Variants in ABCC11 observed in about 807,000 individuals in gnomAD.
The protein encoded by ABCC11 is ATP-binding cassette sub-family C member 11.
In ABCC11, 135 loss-of-function variants were observed where a neutral mutation model predicts 149.3. The ratio of observed to expected loss-of-function variants is 0.90; its 90% CI spans 0.79 to 1.04. The LOEUF is 1.04. Ranked by LOEUF, ABCC11 falls within the 50% of genes least tolerant of loss-of-function variation. The pLI, the probability that ABCC11 is intolerant of heterozygous loss-of-function variation, is 0.00. For missense variants in ABCC11, 1,680 were observed against 1,722.1 expected, an observed-to-expected ratio of 0.98 and a Z score of 0.43; for synonymous variants, 665 against 671.4, an observed-to-expected ratio of 0.99 and a Z score of 0.15.
At chr16:48,186,909 C>T in intron 22 of ABCC11, 44 bp downstream of exon 22, 1 of 1,610,580 alleles carries the variant, frequency 6.2e-7, no homozygotes, top group East Asian at 2.2e-5. Flanking sequence ...CTCCCCACCA[C>T]CCCTGTGGTT....
intron 20 of ABCC11, among the ~76,000 whole-genome samples, chr16:48,187,678 A>C (rs1240586531): frequency 6.6e-6 from 1 of 152,200 alleles, no homozygotes; most frequent in Non-Finnish European, 1.5e-5. Context: ...CGAAATGGGA[A>C]TGAAAACGAT....
Position 48,192,198 on chromosome 16 carries a change from C to T in ABCC11, c.2706+322G>A, listed in dbSNP as rs193257214. Reference sequence around the variant, plus strand: ...GTGGCTCATGCCTGTAATCCCAGCACTTTGGGGGGCCGAGGTGGATGGATC... The same window carrying T: ...GTGGCTCATGCCTGTAATCCCAGCATTTTGGGGGGCCGAGGTGGATGGATC... On this transcript the variant is annotated intron_variant, in intron 20 of 29. Coordinates refer to ENST00000356608, the MANE Select transcript of ABCC11 (RefSeq NM_001370497.1). 5.3e-5 allele frequency among the ~76,000 whole-genome samples: 8 copies of T among 151,946 alleles called. No homozygotes were observed. In the East Asian group the frequency reaches 1.5e-3, roughly 29 times the overall value.
At chr16:48,180,874 G>A (rs1220488611) in intron 23 of ABCC11, among the ~76,000 whole-genome samples, 1 of 152,214 alleles carries the variant, frequency 6.6e-6, no homozygotes, top group Non-Finnish European at 1.5e-5. Context: ...TTATTACCAG[G>A]ATGAAGATAA....
In ABCC11 at chr16:48,166,710, C is replaced by T. The variant is rs934486669; in HGVS notation, c.*564G>A. On this transcript the variant is annotated 3_prime_UTR_variant, in exon 30 of 30. Transcript: ENST00000356608. Reference sequence around the variant, plus strand: ...TGAAACCCCGCCTCTACTAAAAATACAAAAATTAGCCAGTCATGGTGGCAC... The same window carrying T: ...TGAAACCCCGCCTCTACTAAAAATATAAAAATTAGCCAGTCATGGTGGCAC... 6.6e-6 allele frequency among the ~76,000 whole-genome samples: 1 copy of T among 152,130 alleles called. No homozygotes were observed. The highest frequency in any genetic ancestry group is 2.1e-4 in the South Asian group (1 of 4,828).
At chr16:48,238,478 C>G (rs903619699) in intron 1 of ABCC11, among the ~76,000 whole-genome samples, 3 of 152,102 alleles carry the variant, frequency 2.0e-5, no homozygotes, top group Non-Finnish European at 2.9e-5. Context: ...GGACTTTCAA[C>G]TCCTTCTGGA....
At chr16:48,174,491 T>C (rs573534753) in intron 26 of ABCC11, among the ~76,000 whole-genome samples, 3 of 152,362 alleles carry the variant, frequency 2.0e-5, no homozygotes, top group Non-Finnish European at 2.9e-5. Flanking sequence ...TAAAGTGCAT[T>C]GTCAGTAGGA....
intron 1 of ABCC11, among the ~76,000 whole-genome samples, chr16:48,243,708 C>A (rs1971140886): frequency 6.6e-6 from 1 of 152,010 alleles, no homozygotes; most frequent in African/African-American, 2.4e-5. Context: ...AAAATCAATT[C>A]GGGCCGGGCA....
chr16:48,203,206 G>A lies in ABCC11; in HGVS notation c.1878+22C>T, dbSNP rs778705784. 2.6e-6 allele frequency: 4 copies of A among 1,552,996 alleles called. No individual in the cohort carries two copies. The African/African-American group carries it at 5.4e-5, about 21-fold the overall frequency. The stretch of plus-strand genomic sequence containing the variant: ...AAGAGCACCAACATTACACAGAGAA[G>A]GCAGGCTCGCCTCCCTCTCACCTCT... On this transcript the variant is annotated intron_variant, in intron 14 of 29. Coordinates refer to ENST00000356608, the MANE Select transcript of ABCC11 (RefSeq NM_001370497.1).
Position 48,170,195 on chromosome 16 carries a change from C to G in ABCC11, c.3801G>C (p.Leu1267=). The stretch of plus-strand genomic sequence containing the variant: ...CACCGTTTTCCACCACATCTGTATG[C>G]AGCTTTTTGGGGAACTTTGAGATCT... The part of the protein sequence containing the change: ...TKAISKFPKK[L]HTDVVENGGN... Residue 1267 remains leucine (L), a synonymous_variant, in exon 28 of 30, where the codon CTG becomes CTC. Coordinates refer to ENST00000356608, the MANE Select transcript of ABCC11 (RefSeq NM_001370497.1). 6.2e-7 allele frequency: 1 copy of G among 1,614,056 alleles called. No individual in the cohort carries two copies.
rs561040869 is a variant in ABCC11, at chr16:48,221,445, G to T, written c.777+1153C>A. Among the ~76,000 whole-genome samples, 67 of 149,790 alleles carry T rather than the reference G, an allele frequency of 4.5e-4. 2 individuals are homozygous for T. In the South Asian group the frequency reaches 0.014, roughly 31 times the overall value. On this transcript the variant is annotated intron_variant, in intron 6 of 29. Coordinates refer to ENST00000356608, the MANE Select transcript of ABCC11 (RefSeq NM_001370497.1). Reference sequence around the variant, plus strand: ...TGTCAATGGTTGTTTGTGTTATGCTGTAAAAAAAAAAAAAGCAAGAGTAAG... The same window carrying T: ...TGTCAATGGTTGTTTGTGTTATGCTTTAAAAAAAAAAAAAGCAAGAGTAAG...
intron 1 of ABCC11, among the ~76,000 whole-genome samples, chr16:48,238,526 T>C (rs1752520312): frequency 6.6e-6 from 1 of 151,890 alleles, no homozygotes; most frequent in African/African-American, 2.4e-5. Context: ...TTGGAGAAAA[T>C]GTTCCACCTG....
At chr16:48,203,942 C>T (rs1968220682) in intron 13 of ABCC11, among the ~76,000 whole-genome samples, 1 of 152,218 alleles carries the variant, frequency 6.6e-6, no homozygotes, top group African/African-American at 2.4e-5. Context: ...TGGATGTGTA[C>T]TGCATGGTAC....
chr16:48,223,316 G>A lies in ABCC11; in HGVS notation c.544-485C>T, dbSNP rs376486579. Among the ~76,000 whole-genome samples, 8 of 152,264 alleles carry A rather than the reference G, an allele frequency of 5.3e-5. No individual in the cohort carries two copies. The East Asian group carries it at 7.7e-4, about 15-fold the overall frequency. On this transcript the variant is annotated intron_variant, in intron 5 of 29. Coordinates refer to ENST00000356608, the MANE Select transcript of ABCC11 (RefSeq NM_001370497.1). Reference sequence around the variant, plus strand: ...GCCTCCAAGGACAAGGAGGGAGGCCGCCTGGGGAATATGTATCTTGACCTC... The same window carrying A: ...GCCTCCAAGGACAAGGAGGGAGGCCACCTGGGGAATATGTATCTTGACCTC...
chr16:48,196,263 C>A lies in ABCC11; in HGVS notation c.2373G>T (p.Arg791Ser). Residue 791 changes from arginine (R) to serine (S), a missense_variant, in exon 18 of 30, where the codon AGG becomes AGT. Physicochemically the swap from Arg to Ser is moderately radical, Grantham distance 110. Transcript: ENST00000356608. ...CTGCCTGGATGTAGTGGTGGTAGACCCTCCAACTCAAGGAGCCTTCTTCCA... is the reference window on the plus strand; with the variant it reads ...CTGCCTGGATGTAGTGGTGGTAGACACTCCAACTCAAGGAGCCTTCTTCCA... Reference protein sequence around the residue: ...EEMEEGSLSWRVYHHYIQAAG... With the variant: ...EEMEEGSLSWSVYHHYIQAAG... 14 of 1,614,078 alleles carry A rather than the reference C, an allele frequency of 8.7e-6. No individual in the cohort carries two copies. Among genetic ancestry groups the A allele is most frequent in the Non-Finnish European group, 1.2e-5 (14 of 1,180,014 alleles).
chr16:48,211,962 C>T (rs138519990), intron 10 of ABCC11, among the ~76,000 whole-genome samples: 1 of 152,294 alleles, frequency 6.6e-6, no homozygotes, highest in East Asian at 1.9e-4. Flanking sequence ...TGCTTCCTGA[C>T]ATTTTGGACT....
rs144590277 is a variant in ABCC11, at chr16:48,176,254, G to A, written c.3538+670C>T. Among the ~76,000 whole-genome samples the A allele has an allele frequency of 2.4e-3, 372 of 152,322 alleles. 2 individuals carry two copies. Among genetic ancestry groups the A allele is most frequent in the Non-Finnish European group, 3.7e-3 (254 of 68,026 alleles). On this transcript the variant is annotated intron_variant, in intron 25 of 29. Transcript: ENST00000356608. ...TCATTATCCATGGGGCTGCCTGGAGGAGGCAGCTCTGGGGTGCCCAGGAGT... is the reference window on the plus strand; with the variant it reads ...TCATTATCCATGGGGCTGCCTGGAGAAGGCAGCTCTGGGGTGCCCAGGAGT...
chr16:48,170,016 C>T (rs1046160696), intron 28 of ABCC11, 89 bp downstream of exon 28: 13 of 943,868 alleles, frequency 1.4e-5, no homozygotes, highest in East Asian at 2.4e-5. Context: ...CAGTGTCCCA[C>T]GGTAGTGAAG....
intron 17 of ABCC11, among the ~76,000 whole-genome samples, chr16:48,197,606 T>A (rs896244479): frequency 4.6e-5 from 7 of 152,192 alleles, no homozygotes; most frequent in Non-Finnish European, 8.8e-5. Context: ...TCATTTCTGA[T>A]CCCTAATACC....
Position 48,222,707 on chromosome 16 carries a change from C to T in ABCC11, c.668G>A (p.Ser223Asn). 1 of 1,614,230 alleles carries T rather than the reference C, an allele frequency of 6.2e-7. No homozygotes were observed. Among genetic ancestry groups the T allele is most frequent in the Non-Finnish European group, 8.5e-7 (1 of 1,180,046 alleles). Residue 223 changes from serine (S) to asparagine (N), a missense_variant, in exon 6 of 30, where the codon AGT becomes AAT. Coordinates refer to ENST00000356608, the MANE Select transcript of ABCC11 (RefSeq NM_001370497.1). ...ECVKSLSFSS[S>N]WIINQRTAIR... Reference sequence around the variant, plus strand: ...GGCTGTGCGTTGGTTGATGATCCAACTGGAGGAGAAACTCAGAGACTTCAC... The same window carrying T: ...GGCTGTGCGTTGGTTGATGATCCAATTGGAGGAGAAACTCAGAGACTTCAC...
Sources: gnomAD v4.1 joint callset for allele counts (sites outside exome capture counted in the v4.1 genomes callset) on GRCh38, gnomAD v4.1.1 for gene constraint, MANE v1.5 for transcripts, NCBI Gene and HGNC (gene_info 2026-07-23, HGNC 2026-07-21) for gene names.